Variants in CSMD1 observed in about 807,000 individuals in gnomAD.
CSMD1 encodes the protein CUB and sushi domain-containing protein 1.
CSMD1 carries 213 observed loss-of-function variants against 417.5 expected under a neutral mutation model. That is an observed-to-expected ratio of 0.51 (90% CI 0.46 to 0.57). The LOEUF is 0.57. Among genes scored for constraint, CSMD1 ranks in the 20% least tolerant of loss-of-function variants. The pLI, the probability that CSMD1 is intolerant of heterozygous loss-of-function variation, is 0.00. For synonymous variants in CSMD1, 2,862 were observed against 1,736.8 expected (o/e 1.65, Z -16.11); for missense variants, 6,923 against 4,529.7 (o/e 1.53, Z -15.17).
chr8:3,982,811 G>T (rs1233683598), intron 5 of CSMD1, among the ~76,000 whole-genome samples: 1 of 152,192 alleles, frequency 6.6e-6, no homozygotes, highest in Non-Finnish European at 1.5e-5. Flanking sequence ...GGAGGATTCT[G>T]AGGGGAGCAC....
In CSMD1 at chr8:3,439,299, A is replaced by ATG. The variant is rs1563390442; in HGVS notation, c.1561+29412_1561+29413insCA. Among the ~76,000 whole-genome samples the ATG allele has an allele frequency of 1.1e-3, 51 of 45,196 alleles. 2 individuals are homozygous for ATG. Among genetic ancestry groups the ATG allele is most frequent in the Admixed American group, 3.2e-3 (13 of 4,000 alleles). The allele number at this position is 45,196 out of a possible 152,430, so 29.7% of individuals were successfully genotyped here. ...AATGTCAGTATATATATATATATAT[A>ATG]TATATATATATTTTTTTTTTTAATA... is the stretch of plus-strand genomic sequence containing the variant. On this transcript the variant is annotated intron_variant, in intron 12 of 69. Transcript: ENST00000635120.
intron 5 of CSMD1, among the ~76,000 whole-genome samples, chr8:3,800,628 G>T (rs1227694997): frequency 6.6e-6 from 1 of 152,150 alleles, no homozygotes; most frequent in African/African-American, 2.4e-5. Context: ...CCTAGAAGAG[G>T]TATTTGGGTT....
At chr8:4,461,988 A>G (rs1001062838) in intron 2 of CSMD1, among the ~76,000 whole-genome samples, 3 of 151,730 alleles carry the variant, frequency 2.0e-5, no homozygotes, top group Non-Finnish European at 2.9e-5. Flanking sequence ...TGATCCGCCC[A>G]CCTCGGCCTC....
chr8:4,050,162 C>A (rs1403751119), intron 3 of CSMD1, among the ~76,000 whole-genome samples: 2 of 152,136 alleles, frequency 1.3e-5, no homozygotes, highest in Non-Finnish European at 1.5e-5. Context: ...GGACACGCAT[C>A]ATCAGTGGGA....
At chr8:4,720,315 A>G (rs1378966666) in intron 1 of CSMD1, among the ~76,000 whole-genome samples, 1 of 152,178 alleles carries the variant, frequency 6.6e-6, no homozygotes, top group Admixed American at 6.6e-5. Flanking sequence ...CCTTCTTCTC[A>G]AAATCTATTG....
At chr8:3,644,377 G>A (rs556342119) in intron 7 of CSMD1, among the ~76,000 whole-genome samples, 1 of 152,194 alleles carries the variant, frequency 6.6e-6, no homozygotes, top group African/African-American at 2.4e-5. Flanking sequence ...GCAGGTGCGA[G>A]TGAGACCCTG....
chr8:4,513,367 G>A (rs184993107), intron 2 of CSMD1, among the ~76,000 whole-genome samples: 9 of 152,086 alleles, frequency 5.9e-5, no homozygotes, highest in East Asian at 1.9e-4. Context: ...CTACTATAGC[G>A]ATGCTAATTT....
chr8:4,092,112 G>A (rs1232482237), intron 3 of CSMD1, among the ~76,000 whole-genome samples: 5 of 152,126 alleles, frequency 3.3e-5, no homozygotes, highest in African/African-American at 1.2e-4. Context: ...TATTCTTAGA[G>A]AAATACTTTC....
intron 5 of CSMD1, among the ~76,000 whole-genome samples, chr8:3,851,242 T>C (rs1327128525): frequency 6.6e-6 from 1 of 152,214 alleles, no homozygotes; most frequent in African/African-American, 2.4e-5. Context: ...TGAATTTGCA[T>C]CTAGACAAGG....
At chr8:3,304,785 G>C (rs1440298349) in intron 25 of CSMD1, among the ~76,000 whole-genome samples, 3 of 151,688 alleles carry the variant, frequency 2.0e-5, no homozygotes, top group African/African-American at 4.8e-5. Context: ...CCTGTAAAGA[G>C]TGAATCCATG....
chr8:3,635,438 T>G (rs1309263429), intron 7 of CSMD1, among the ~76,000 whole-genome samples: 2 of 150,102 alleles, frequency 1.3e-5, no homozygotes, highest in East Asian at 2.0e-4. Context: ...GAGCCGAGAG[T>G]GCACCACTAC....
intron 3 of CSMD1, among the ~76,000 whole-genome samples, chr8:4,095,804 T>C (rs1297641925): frequency 6.6e-6 from 1 of 152,246 alleles, no homozygotes; most frequent in Non-Finnish European, 1.5e-5. Flanking sequence ...TGTATTTGTA[T>C]GCATGTTTAT....
intron 1 of CSMD1, among the ~76,000 whole-genome samples, chr8:4,881,157 T>G (rs1803370939): frequency 6.6e-6 from 1 of 152,110 alleles, no homozygotes; most frequent in African/African-American, 2.4e-5. Flanking sequence ...TATTTCACTT[T>G]GAGTTTCTAG....
In CSMD1 at chr8:2,949,394, A is replaced by T. The variant is rs1208254282; in HGVS notation, c.10315-8T>A. On this transcript the variant is annotated splice_region_variant and splice_polypyrimidine_tract_variant and intron_variant, in intron 67 of 69. Coordinates refer to ENST00000635120, the MANE Select transcript of CSMD1 (RefSeq NM_033225.6). ...TTCAAGTCCAGATGACACCTGACAC[A>T]TAGGAAAGAAAAGAAAAGAAATAAA... The T allele has an allele frequency of 7.1e-7, 1 of 1,409,732 alleles. No individual in the cohort carries two copies. 87.3% of individuals were successfully genotyped at this position (1,409,732 alleles called of 1,614,324 possible).
intron 52 of CSMD1, among the ~76,000 whole-genome samples, chr8:3,012,426 C>A (rs1808462298): frequency 6.6e-6 from 1 of 152,162 alleles, no homozygotes; most frequent in Non-Finnish European, 1.5e-5. Context: ...AGCATATTCT[C>A]CCATGTTGGA....
chr8:3,730,261 G>A (rs934565151), intron 6 of CSMD1, among the ~76,000 whole-genome samples: 1 of 152,000 alleles, frequency 6.6e-6, no homozygotes, highest in African/African-American at 2.4e-5. Flanking sequence ...AATACCTTGA[G>A]CACATGGAGC....
intron 2 of CSMD1, among the ~76,000 whole-genome samples, chr8:4,535,280 CA>C (rs1227945260): frequency 6.6e-6 from 1 of 151,994 alleles, no homozygotes; most frequent in East Asian, 1.9e-4. Flanking sequence ...ACCAAAATCA[CA>C]GGGGGAAGTC....
chr8:3,784,558 T>G (rs1232133541), intron 5 of CSMD1, among the ~76,000 whole-genome samples: 6 of 152,198 alleles, frequency 3.9e-5, no homozygotes, highest in African/African-American at 1.4e-4. Flanking sequence ...GGTCATAAAA[T>G]GAATATTTAA....
chr8:4,118,490 A>AG (rs906886734), intron 3 of CSMD1, among the ~76,000 whole-genome samples: 3 of 151,524 alleles, frequency 2.0e-5, no homozygotes, highest in Admixed American at 6.6e-5. Flanking sequence ...CATATAGAAA[A>AG]AAGCTCATCA....
Sources: allele counts gnomAD v4.1 joint callset (sites outside exome capture counted in the v4.1 genomes callset), GRCh38; gene constraint gnomAD v4.1.1; transcripts MANE v1.5; gene names NCBI Gene and HGNC (gene_info 2026-07-23, HGNC 2026-07-21).